Variants in TTC34 observed in about 807,000 individuals in gnomAD.
The protein encoded by TTC34 is tetratricopeptide repeat protein 34.
A neutral mutation model predicts 40.7 loss-of-function variants in TTC34; 44 were observed. The observed-to-expected ratio is 1.08, with a 90% confidence interval of 0.85 to 1.39. The LOEUF (loss-of-function observed/expected upper bound fraction) is 1.39. Ranked by LOEUF, TTC34 falls within the 40% of genes most tolerant of loss-of-function variation. The probability of loss-of-function intolerance (pLI) is 0.00; values close to 1 mark genes in which losing one functional copy is unlikely to be tolerated. For synonymous variants in TTC34, 422 were observed against 398.6 expected, an observed-to-expected ratio of 1.06 and a Z score of -0.70; for missense variants, 884 against 838.0, an observed-to-expected ratio of 1.05 and a Z score of -0.68.
chr1:2,751,933 C>A lies in TTC34; in HGVS notation c.2226+31676G>T, dbSNP rs1380341523. On this transcript the variant is annotated intron_variant, in intron 6 of 8. Transcript: ENST00000401095. ...TGGTCTGGAGCAGCACGCATAACCA[C>A]AGGTGAACATCGGAGAGTCTGGAGC... 6.6e-3 allele frequency among the ~76,000 whole-genome samples: 698 copies of A among 106,468 alleles called. 38 individuals are homozygous for A. The highest frequency in any genetic ancestry group is 8.8e-3 in the Admixed American group (90 of 10,204). 69.8% of individuals were successfully genotyped at this position (106,468 alleles called of 152,430 possible).
At chr1:2,749,000 ACGCCC>A in intron 6 of TTC34, among the ~76,000 whole-genome samples, 1 of 146,234 alleles carries the variant, frequency 6.8e-6, no homozygotes, top group African/African-American at 2.6e-5. Flanking sequence ...CAGCACCCAC[ACGCCC>A]AGGTGAGCAT....
chr1:2,749,817 A>G, intron 6 of TTC34, among the ~76,000 whole-genome samples: 1 of 142,524 alleles, frequency 7.0e-6, no homozygotes, highest in Non-Finnish European at 1.5e-5. Flanking sequence ...CCAGGTGAGC[A>G]TCTGACAGCC....
chr1:2,750,320 C>T (rs1236780904), intron 6 of TTC34, among the ~76,000 whole-genome samples: 1 of 10,420 alleles, frequency 9.6e-5, no homozygotes, highest in South Asian at 2.9e-3. Flanking sequence ...AACTGCACCC[C>T]CATGCCCAGG....
intron 6 of TTC34, among the ~76,000 whole-genome samples, chr1:2,700,091 AGT>A (rs1321711826): frequency 4.2e-5 from 5 of 119,336 alleles, no homozygotes; most frequent in South Asian, 2.5e-4. Context: ...CAGCACCCAC[AGT>A]CCCAGGTGAG....
intron 6 of TTC34, among the ~76,000 whole-genome samples, chr1:2,685,844 G>C (rs1376241518): frequency 6.7e-6 from 1 of 149,230 alleles, no homozygotes. Context: ...CCCATGCCCA[G>C]GTGAGCCTCT....
chr1:2,768,202 C>G (rs1277891989), intron 6 of TTC34, among the ~76,000 whole-genome samples: 2 of 151,806 alleles, frequency 1.3e-5, no homozygotes, highest in African/African-American at 4.8e-5. Flanking sequence ...AGCAGCAGTG[C>G]CCACCCCTGG....
rs1220305548 is a variant in TTC34 at position 2,752,634 on chromosome 1, C to G, written c.2226+30975G>C. Among the ~76,000 whole-genome samples, 11 of 126,498 alleles carry G rather than the reference C, an allele frequency of 8.7e-5. 4 individuals carry two copies. Among genetic ancestry groups the G allele is most frequent in the Admixed American group, 1.6e-4 (2 of 12,524 alleles). 83.0% of individuals were successfully genotyped at this position (126,498 alleles called of 152,430 possible). A position where few individuals can be genotyped will look rare whatever the true frequency, so the allele number is the denominator to read the frequency against. ...ACACCCCCAGGCGAGCATCTGACACCCTGGAACTGCACACACACCCCCAGG... is the reference window on the plus strand; with the variant it reads ...ACACCCCCAGGCGAGCATCTGACACGCTGGAACTGCACACACACCCCCAGG... On this transcript the variant is annotated intron_variant, in intron 6 of 8. Coordinates refer to ENST00000401095, the Ensembl canonical transcript of TTC34.
At chr1:2,650,708 A>G (rs1462709574) in intron 6 of TTC34, among the ~76,000 whole-genome samples, 1 of 137,328 alleles carries the variant, frequency 7.3e-6, no homozygotes, top group Non-Finnish European at 1.6e-5. Flanking sequence ...CCTCACACCC[A>G]CAGATGAGAC....
At chr1:2,660,776 G>A (rs1472624051) in intron 6 of TTC34, among the ~76,000 whole-genome samples, 7 of 140,422 alleles carry the variant, frequency 5.0e-5, no homozygotes, top group African/African-American at 1.1e-4. Context: ...CTGACAGACT[G>A]GAGCAGCACC....
At chr1:2,686,121 C>A (rs534576698) in intron 6 of TTC34, among the ~76,000 whole-genome samples, 5 of 124,714 alleles carry the variant, frequency 4.0e-5, no homozygotes, top group South Asian at 2.4e-4. Flanking sequence ...GCACCCACAC[C>A]CGCAGGTGAG....
chr1:2,750,629 T>A (rs1641286598), intron 6 of TTC34, among the ~76,000 whole-genome samples: 7 of 151,532 alleles, frequency 4.6e-5, no homozygotes, highest in African/African-American at 1.5e-4. Context: ...TCTGACAGCC[T>A]GGAGCAGCAC....
intron 6 of TTC34, among the ~76,000 whole-genome samples, chr1:2,680,581 C>A (rs1640029096): frequency 7.2e-6 from 1 of 138,136 alleles, no homozygotes; most frequent in African/African-American, 2.5e-5. Flanking sequence ...GCACCCACAC[C>A]CCCAGGTGAG....
chr1:2,648,239 C>A (rs1570748973), intron 6 of TTC34, among the ~76,000 whole-genome samples: 1 of 152,260 alleles, frequency 6.6e-6, no homozygotes, highest in Non-Finnish European at 1.5e-5. Flanking sequence ...GGCTCTGTGT[C>A]TGGCATGTGG....
chr1:2,749,502 C>T (rs1369359559), intron 6 of TTC34, among the ~76,000 whole-genome samples: 1 of 73,726 alleles, frequency 1.4e-5, no homozygotes, highest in African/African-American at 8.7e-5. Context: ...GAGCATTGGA[C>T]AGCCTGGAGC....
chr1:2,751,702 C>T lies in TTC34; in HGVS notation c.2226+31907G>A, dbSNP rs1391134466. On this transcript the variant is annotated intron_variant, in intron 6 of 8. Coordinates refer to ENST00000401095, the Ensembl canonical transcript of TTC34. ...AGCACCCACAACCCCAAGCGAGCAT[C>T]CGACAGCCTGGAGCAGCACCCACAC... Among the ~76,000 whole-genome samples, 178 of 62,738 alleles carry T rather than the reference C, an allele frequency of 2.8e-3. 3 individuals are homozygous for T. Among genetic ancestry groups the T allele is most frequent in the South Asian group, 0.022 (43 of 1,962 alleles). The allele number at this position is 62,738 out of a possible 152,430, so 41.2% of individuals were successfully genotyped here.
chr1:2,753,376 C>A (rs1389883987), intron 6 of TTC34, among the ~76,000 whole-genome samples: 3 of 111,542 alleles, frequency 2.7e-5, no homozygotes, highest in East Asian at 3.2e-4. Context: ...GCACCCACAC[C>A]CCCAGGCGAG....
rs1157083706 is a variant in TTC34, at chr1:2,683,707, C to T, written c.2227-38144G>A. Reference sequence around the variant, plus strand: ...GACGATCTGACAGCCTGGAACAGCACCCACACCCCCAGGTGAGCAGCTGAT... The same window carrying T: ...GACGATCTGACAGCCTGGAACAGCATCCACACCCCCAGGTGAGCAGCTGAT... On this transcript the variant is annotated intron_variant, in intron 6 of 8. Coordinates refer to ENST00000401095, the Ensembl canonical transcript of TTC34. 3.3e-5 allele frequency among the ~76,000 whole-genome samples: 5 copies of T among 151,226 alleles called. No homozygotes were observed. The South Asian group carries it at 6.3e-4, about 19-fold the overall frequency.
intron 6 of TTC34, among the ~76,000 whole-genome samples, chr1:2,681,204 A>T (rs201185663): frequency 1.3e-5 from 1 of 74,980 alleles, no homozygotes; most frequent in African/African-American, 6.3e-5. Context: ...GCATCTGAAC[A>T]CACGGAGCAG....
At chr1:2,801,532 G>A (rs1251959906) in intron 1 of TTC34, 45 bp downstream of exon 1, 1 of 152,846 alleles carries the variant, frequency 6.5e-6, no homozygotes, top group African/African-American at 2.4e-5. Context: ...TCATCAAACA[G>A]GCAGCCCCCA....
Sources: allele counts gnomAD v4.1 joint callset (sites outside exome capture counted in the v4.1 genomes callset), GRCh38; gene constraint gnomAD v4.1.1; transcripts MANE v1.5; gene names NCBI Gene and HGNC (gene_info 2026-07-23, HGNC 2026-07-21).